Variants in CRACR2B observed in about 807,000 individuals in gnomAD.
The protein encoded by CRACR2B is calcium release activated channel regulator 2B.
CRACR2B carries 50 observed loss-of-function variants against 46.0 expected under a neutral mutation model. The ratio of observed to expected loss-of-function variants is 1.09; its 90% confidence interval spans 0.87 to 1.38. The LOEUF is 1.38. Among genes scored for constraint, CRACR2B ranks in the 40% most tolerant of loss-of-function variants. The pLI is 0.00. For missense variants in CRACR2B, 667 were observed against 535.0 expected, an observed-to-expected ratio of 1.25 and a Z score of -2.43; for synonymous variants, 277 against 239.6, an observed-to-expected ratio of 1.16 and a Z score of -1.44.
upstream of CRACR2B, chr11:827,518 C>T: frequency 1.0e-6 from 1 of 984,072 alleles, no homozygotes; most frequent in Non-Finnish European, 1.2e-6. Context: ...CCGCCCCACC[C>T]CACCAGCCCA....
intron 6 of CRACR2B, 24 bp downstream of exon 6, chr11:830,737 TC>T: frequency 1.3e-6 from 2 of 1,511,834 alleles, no homozygotes; most frequent in South Asian, 2.5e-5. Flanking sequence ...CCCTGCCCTG[TC>T]CCCACGGTCA....
At position 831,858 on chromosome 11, in the gene CRACR2B, T is replaced by C; in HGVS notation, c.*149T>C. 9.7e-7 allele frequency: 1 copy of C among 1,025,994 alleles called. No homozygotes were observed. The highest frequency in any genetic ancestry group is 1.3e-6 in the Non-Finnish European group (1 of 752,318). 63.6% of individuals were successfully genotyped at this position (1,025,994 alleles called of 1,614,324 possible). A position where few individuals can be genotyped will look rare whatever the true frequency, so the allele number is the denominator to read the frequency against. ...AGACATGAAGGACCTAGCCTAGGAG[T>C]GGTCAGGGTCCCGGGAGTGGCCAGG... On this transcript the variant is annotated 3_prime_UTR_variant, in exon 9 of 9. Transcript: ENST00000525077.
In CRACR2B at chr11:830,298, G is replaced by A. The variant is rs188032561; in HGVS notation, c.654G>A (p.Thr218=). Residue 218 remains threonine, a synonymous_variant, in exon 5 of 9, where the codon ACG becomes ACA. Transcript: ENST00000525077. ...AGGTGCGCGCTCTGTACGAGGAGAC[G>A]GAGCAGCTTCGGGAGCAGAGCCGGC... ...EREVRALYEE[T]EQLREQSRRP... The A allele has an allele frequency of 4.2e-4, 648 of 1,533,092 alleles. No homozygotes were observed. The African/African-American group carries it at 7.2e-3, about 17-fold the overall frequency. 95.0% of individuals were successfully genotyped at this position (1,533,092 alleles called of 1,614,324 possible).
At chr11:827,364 CGCCCGGCACCCCCTCCGG>C (rs1322673683), upstream of CRACR2B, 1 of 176,932 alleles carries the variant, frequency 5.7e-6, no homozygotes, top group Non-Finnish European at 1.1e-5. Flanking sequence ...CACTGCCGCC[CGCCCGGCACCCCCTCCGG>C]GCCGCCGTGG....
chr11:830,879 T>C lies in CRACR2B; in HGVS notation c.800T>C (p.Leu267Pro). 6.5e-7 allele frequency: 1 copy of C among 1,526,780 alleles called. No homozygotes were observed. Among genetic ancestry groups the C allele is most frequent in the Non-Finnish European group, 8.8e-7 (1 of 1,141,800 alleles). The allele number at this position is 1,526,780 out of a possible 1,614,324, so 94.6% of individuals were successfully genotyped here. A position where few individuals can be genotyped will look rare whatever the true frequency, so the allele number is the denominator to read the frequency against. ...TCCACCCTCCAGTTAGAGCAGCAGC[T>C]GCACGCCCAGGCTGCGGAGCACCTG... is the stretch of plus-strand genomic sequence containing the variant. ...GLRQRELEQQ[L>P]HAQAAEHLEA... Residue 267 changes from leucine (L) to proline (P), a missense_variant, in exon 7 of 9, where the codon CTG (leucine) becomes CCG (proline). Leu to Pro is a moderately conservative substitution (Grantham distance 98). Coordinates refer to ENST00000525077, the MANE Select transcript of CRACR2B (RefSeq NM_001286606.2).
At chr11:827,212 C>T (rs986667023), upstream of CRACR2B, 1 of 152,202 alleles carries the variant, frequency 6.6e-6, no homozygotes, top group Non-Finnish European at 1.5e-5. Flanking sequence ...CGCTCGGGGC[C>T]CAGTGCCCTC....
rs1045996321 is a variant in CRACR2B at position 829,258 on chromosome 11, C to T, written c.278-102C>T. On this transcript the variant is annotated intron_variant, in intron 2 of 8. Transcript: ENST00000525077. The stretch of plus-strand genomic sequence containing the variant: ...CAGAATAAGGAAGGAAAACAGGAAA[C>T]TGGGCCCTGAGAGAGGGCAGGATAC... The T allele has an allele frequency of 7.9e-5, 117 of 1,485,972 alleles. 1 individual carries two copies. The Middle Eastern group carries it at 1.4e-3, about 18-fold the overall frequency. 92.0% of individuals were successfully genotyped at this position (1,485,972 alleles called of 1,614,324 possible). A position where few individuals can be genotyped will look rare whatever the true frequency, so the allele number is the denominator to read the frequency against.
In CRACR2B at chr11:828,399, AC is replaced by A; in HGVS notation, c.-205del. 1 of 577,612 alleles carries A rather than the reference AC, an allele frequency of 1.7e-6. No individual in the cohort carries two copies. Among genetic ancestry groups the A allele is most frequent in the South Asian group, 2.4e-5 (1 of 42,048 alleles). The allele number at this position is 577,612 out of a possible 1,614,324, so 35.8% of individuals were successfully genotyped here. A position where few individuals can be genotyped will look rare whatever the true frequency, so the allele number is the denominator to read the frequency against. ...CACAGGCCCTGAGCCTACATCAACC[AC>A]CCCAGTGACACCCCAAGCCTGCAGC... On this transcript the variant is annotated 5_prime_UTR_variant, in exon 1 of 9. An upstream open reading frame in the 5' UTR loses its in-frame stop. Coordinates refer to ENST00000525077, the MANE Select transcript of CRACR2B (RefSeq NM_001286606.2).
In CRACR2B at chr11:827,994, G is replaced by A. The variant is rs74932952; in HGVS notation, c.-614G>A. The stretch of plus-strand genomic sequence containing the variant: ...TGGGGCGTCAGAGGCGAAGGGCTCT[G>A]CAGGCTGGGACCTTGCCCCTGCACT... On this transcript the variant is annotated 5_prime_UTR_variant, in exon 1 of 9. Transcript: ENST00000525077. 4.6e-5 allele frequency among the ~76,000 whole-genome samples: 7 copies of A among 152,126 alleles called. No homozygotes were observed. The East Asian group carries it at 1.2e-3, about 25-fold the overall frequency.
At chr11:829,796 G>A in intron 3 of CRACR2B, 190 bp from the exon 4 acceptor site, 1 of 1,198,046 alleles carries the variant, frequency 8.3e-7, no homozygotes, top group Non-Finnish European at 1.1e-6. Context: ...CACTGCCCAG[G>A]GTACACACAC....
chr11:828,580 G>C lies in CRACR2B; in HGVS notation c.-28G>C. The stretch of plus-strand genomic sequence containing the variant: ...ACCCTCCCTTGGCTTCACAGCACCT[G>C]AAGGCCAGGCTGAGGCCCCCTGCTC... On this transcript the variant is annotated 5_prime_UTR_variant, in exon 1 of 9. Coordinates refer to ENST00000525077, the MANE Select transcript of CRACR2B (RefSeq NM_001286606.2). 6.4e-7 allele frequency: 1 copy of C among 1,567,818 alleles called. No individual in the cohort carries two copies. The highest frequency in any genetic ancestry group is 8.6e-7 in the Non-Finnish European group (1 of 1,165,182).
chr11:829,641 C>G, intron 3 of CRACR2B, 101 bp downstream of exon 3: 1 of 1,302,892 alleles, frequency 7.7e-7, no homozygotes, highest in Non-Finnish European at 1.0e-6. Flanking sequence ...CACAGGGTCT[C>G]TAGGCCGGGT....
rs765492019 is a variant in CRACR2B at position 828,622 on chromosome 11, A to G, written c.15A>G (p.Gly5=). 5 of 1,595,166 alleles carry G rather than the reference A, an allele frequency of 3.1e-6. No homozygotes were observed. In the East Asian group the frequency reaches 1.1e-4, roughly 36 times the overall value. Residue 5 remains glycine, a synonymous_variant, in exon 1 of 9, where the codon GGA becomes GGG. Transcript: ENST00000525077. The part of the protein sequence containing the change: MASP[G]KPGADEAQEE... ...CCCCTGCTCTCATGGCCAGCCCTGG[A>G]AAGCCTGGGGCTGATGAGGCCCAGG...
rs1477055775 is a variant in CRACR2B, at chr11:829,557, C to T, written c.458+17C>T. 7 of 1,546,006 alleles carry T rather than the reference C, an allele frequency of 4.5e-6. No individual in the cohort carries two copies. Among genetic ancestry groups the T allele is most frequent in the Middle Eastern group, 2.2e-4 (1 of 4,570 alleles). On this transcript the variant is annotated intron_variant, in intron 3 of 8. Transcript: ENST00000525077. ...CCTGGGCAAGTGAGTCGGCGCTGGC[C>T]CCGCTCCCACTGCCCGCTCTGCTGT... is the stretch of plus-strand genomic sequence containing the variant.
chr11:827,425 C>A, upstream of CRACR2B: 1 of 511,536 alleles, frequency 2.0e-6, no homozygotes, highest in Non-Finnish European at 2.5e-6. Flanking sequence ...CGGTCGGGAA[C>A]TCCGGTTACC....
upstream of CRACR2B, chr11:827,276 G>A (rs1347762706): frequency 6.6e-6 from 1 of 151,954 alleles, no homozygotes; most frequent in Non-Finnish European, 1.5e-5. Context: ...TTTCCGGGAG[G>A]AGCGGCCCGG....
chr11:829,329 G>T (rs1846184124), intron 2 of CRACR2B, 31 bp from the exon 3 acceptor site: 9 of 1,577,924 alleles, frequency 5.7e-6, no homozygotes, highest in Non-Finnish European at 7.7e-6. Flanking sequence ...GCGACCCACA[G>T]CCCTGGTAAT....
At chr11:830,488 G>T in intron 5 of CRACR2B, 133 bp from the exon 6 acceptor site, 1 of 1,537,448 alleles carries the variant, frequency 6.5e-7, no homozygotes, top group African/African-American at 1.4e-5. Context: ...TGGGCCTCAC[G>T]TATCACCCCC....
intron 8 of CRACR2B, 62 bp from the exon 9 acceptor site, chr11:831,473 C>G: frequency 6.6e-7 from 1 of 1,512,244 alleles, no homozygotes; most frequent in South Asian, 1.3e-5. Context: ...GGAGTCGGAG[C>G]TCACCTCCCC....
Sources: allele counts gnomAD v4.1 joint callset (sites outside exome capture counted in the v4.1 genomes callset), GRCh38; gene constraint gnomAD v4.1.1; transcripts MANE v1.5; gene names NCBI Gene and HGNC (gene_info 2026-07-23, HGNC 2026-07-21).